The following UTP20 variants were observed in gnomAD, a reference collection of about 807,000 sequenced individuals.
The protein encoded by UTP20 is small subunit processome component 20 homolog.
In UTP20, 164 loss-of-function variants were observed where a neutral mutation model predicts 329.5. The ratio of observed to expected loss-of-function variants is 0.50; its 90% CI spans 0.44 to 0.57. The LOEUF (loss-of-function observed/expected upper bound fraction) is 0.57. Ranked by LOEUF, UTP20 falls within the 20% of genes least tolerant of loss-of-function variation. The pLI, the probability that UTP20 is intolerant of heterozygous loss-of-function variation, is 0.00. For synonymous variants in UTP20, 1,151 were observed against 1,159.3 expected (o/e 0.99, Z 0.14); for missense variants, 3,055 against 3,284.2 (o/e 0.93, Z 1.71).
At chr12:101,295,079 C>A (rs1489705703) in intron 11 of UTP20, among the ~76,000 whole-genome samples, 1 of 152,178 alleles carries the variant, frequency 6.6e-6, no homozygotes, top group Admixed American at 6.5e-5. Context: ...AAATGTTGTA[C>A]TGGGACTTCC....
intron 5 of UTP20, among the ~76,000 whole-genome samples, chr12:101,288,704 A>T (rs954231929): frequency 1.3e-5 from 2 of 152,188 alleles, no homozygotes; most frequent in East Asian, 3.8e-4. Flanking sequence ...TTCAGAGCTC[A>T]TTACAAATTT....
At chr12:101,337,990 C>T in intron 29 of UTP20, 61 bp from the exon 30 acceptor site, 1 of 1,445,920 alleles carries the variant, frequency 6.9e-7, no homozygotes, top group Non-Finnish European at 9.6e-7. Context: ...TTCATATGGA[C>T]ATGTTTTTAG....
chr12:101,319,615 CTA>C lies in UTP20; in HGVS notation c.2813_2814del (p.Tyr938Ter). ...NPRALYLESK[L>X]YELYLQLLLH... ...ACGGGCCTTATATCTGGAATCCAAA[CTA>C]TATGAGTTATATCTTCAGGTCAGTA... is the stretch of plus-strand genomic sequence containing the variant. On this transcript the variant is annotated frameshift_variant, in exon 23 of 62. Coordinates refer to ENST00000261637, the MANE Select transcript of UTP20 (RefSeq NM_014503.3). LOFTEE classifies it high-confidence loss of function. The C allele has an allele frequency of 6.2e-7, 1 of 1,606,006 alleles. No individual in the cohort carries two copies. The highest frequency in any genetic ancestry group is 8.5e-7 in the Non-Finnish European group (1 of 1,178,490).
At chr12:101,286,187 A>G (rs1871955082) in intron 4 of UTP20, 134 bp from the exon 5 acceptor site, 4 of 902,836 alleles carry the variant, frequency 4.4e-6, no homozygotes, top group Non-Finnish European at 6.4e-6. Context: ...AAAGAATTTT[A>G]TAATTTTTCA....
chr12:101,342,425 C>T, intron 32 of UTP20, 21 bp from the exon 33 acceptor site: 1 of 1,576,452 alleles, frequency 6.3e-7, no homozygotes, highest in Non-Finnish European at 8.6e-7. Flanking sequence ...AATATGATTT[C>T]TCTGATTATT....
intron 22 of UTP20, among the ~76,000 whole-genome samples, chr12:101,319,025 G>T (rs1347008684): frequency 6.6e-6 from 1 of 152,046 alleles, no homozygotes; most frequent in Non-Finnish European, 1.5e-5. Context: ...CACTTCCCAC[G>T]ATTTCAGTTA....
intron 60 of UTP20, among the ~76,000 whole-genome samples, chr12:101,385,247 G>A (rs1278783673): frequency 6.6e-6 from 1 of 152,164 alleles, no homozygotes; most frequent in South Asian, 2.1e-4. Context: ...AAGGTCCCAA[G>A]TTACTTTAAT....
In UTP20 at chr12:101,295,649, A is replaced by T. The variant is rs183927312; in HGVS notation, c.1421A>T (p.Gln474Leu). Residue 474 changes from glutamine to leucine, a missense_variant, in exon 12 of 62, where the codon CAG becomes CTG. Gln to Leu is a moderately radical substitution (Grantham distance 113). This residue lies in a region of UTP20 where 2,445 missense variants were observed against 2,575.5 expected (regional missense o/e 0.95). Transcript: ENST00000261637. ...IEKYPLVFSP[Q>L]MVGFYIKQKK... ...AAGTACCCTCTGGTTTTCTCACCGC[A>T]GATGGTGGGGTGAGTTCTAACTTTT... 6.9e-6 allele frequency: 11 copies of T among 1,602,708 alleles called. No individual in the cohort carries two copies. The East Asian group carries it at 2.0e-4, about 29-fold the overall frequency.
rs1871945634 is a variant in UTP20 at position 101,285,873 on chromosome 12, C to G, written c.318C>G (p.Pro106=). ...LQVKNSFAYQ[P]LLDLVVQLAR... is the part of the protein sequence containing the mutation. ...TTAAGAACAGTTTTGCCTATCAACC[C>G]CTTTTGGAGTAAGTAGCATCTTGAG... is the stretch of plus-strand genomic sequence containing the variant. The change falls in exon 4 of 62, where the codon CCC becomes CCG. Residue 106 remains proline, a synonymous_variant. Transcript: ENST00000261637. 1.2e-6 allele frequency: 2 copies of G among 1,613,182 alleles called. No individual in the cohort carries two copies.
At chr12:101,383,704 A>G (rs1006151009) in intron 60 of UTP20, 35 bp downstream of exon 60, 2 of 1,463,304 alleles carry the variant, frequency 1.4e-6, no homozygotes, top group African/African-American at 2.8e-5. Flanking sequence ...TGCCTTTTGC[A>G]CATGAGGATT....
At chr12:101,283,946 A>G (rs1355070645) in intron 2 of UTP20, among the ~76,000 whole-genome samples, 1 of 149,956 alleles carries the variant, frequency 6.7e-6, no homozygotes, top group Non-Finnish European at 1.5e-5. Flanking sequence ...CTGCCTAACT[A>G]TTGATTTTAA....
intron 53 of UTP20, 35 bp from the exon 54 acceptor site, chr12:101,373,550 A>T (rs1244793088): frequency 1.2e-6 from 2 of 1,612,132 alleles, no homozygotes. Context: ...TAGGAATTCC[A>T]CTCTGAGTGC....
chr12:101,370,785 T>C (rs1870259093), intron 50 of UTP20, among the ~76,000 whole-genome samples: 1 of 152,232 alleles, frequency 6.6e-6, no homozygotes, highest in Non-Finnish European at 1.5e-5. Context: ...TCTGTACAAA[T>C]ACAGGTATTC....
chr12:101,361,557 C>T (rs930644542), intron 43 of UTP20, among the ~76,000 whole-genome samples: 5 of 151,842 alleles, frequency 3.3e-5, no homozygotes, highest in African/African-American at 7.3e-5. Context: ...ACTCGGGAGA[C>T]GGAGGTTGCA....
chr12:101,369,752 G>C lies in UTP20; in HGVS notation c.6416G>C (p.Trp2139Ser). 6.3e-7 allele frequency: 1 copy of C among 1,596,072 alleles called. No individual in the cohort carries two copies. The highest frequency in any genetic ancestry group is 1.3e-5 in the African/African-American group (1 of 74,630). Residue 2139 changes from tryptophan to serine, a missense_variant, in exon 49 of 62, where the codon TGG (tryptophan) becomes TCG (serine). By Grantham distance (177) the Trp-to-Ser change is radical. Around this residue, in one of 3 missense-constraint regions of UTP20, gnomAD observed 2,445 missense variants for 2,575.5 expected, o/e 0.95. Coordinates refer to ENST00000261637, the MANE Select transcript of UTP20 (RefSeq NM_014503.3). ...VITGALQCLI[W>S]VLRFPLPSIE... ...ACAGGTGCTTTACAGTGCCTCATCT[G>C]GGTCTTGAGGTTCCCGCTACCTTCC... is the stretch of plus-strand genomic sequence containing the variant.
At chr12:101,344,353 A>G (rs1414540628) in intron 35 of UTP20, among the ~76,000 whole-genome samples, 1 of 152,222 alleles carries the variant, frequency 6.6e-6, no homozygotes, top group Non-Finnish European at 1.5e-5. Context: ...AGGACATTTC[A>G]TAGTGCTGCC....
At chr12:101,331,217 A>G (rs1314926517) in intron 27 of UTP20, among the ~76,000 whole-genome samples, 3 of 152,178 alleles carry the variant, frequency 2.0e-5, no homozygotes, top group Admixed American at 6.5e-5. Context: ...GGCAGCTGGC[A>G]CTTTAGTTAC....
In UTP20 at chr12:101,365,639, A is replaced by G. The variant is rs1423015073; in HGVS notation, c.6125+14A>G. ...AGAGAAAGAAAAGTAAGTTGGAAAA[A>G]AAACAAACTGTCATTTAGGTCTCTG... On this transcript the variant is annotated intron_variant, in intron 46 of 61. Transcript: ENST00000261637. 6.5e-7 allele frequency: 1 copy of G among 1,549,802 alleles called. No homozygotes were observed. Among genetic ancestry groups the G allele is most frequent in the Non-Finnish European group, 8.7e-7 (1 of 1,153,508 alleles).
chr12:101,332,172 T>C (rs1427718857), intron 27 of UTP20, among the ~76,000 whole-genome samples: 5 of 152,020 alleles, frequency 3.3e-5, no homozygotes, highest in Admixed American at 2.0e-4. Flanking sequence ...ACCCCGTCTC[T>C]ACTGAAAATA....
Sources: allele counts gnomAD v4.1 joint callset (sites outside exome capture counted in the v4.1 genomes callset), GRCh38; gene constraint gnomAD v4.1.1; regional missense constraint gnomAD v4.1.1; transcripts MANE v1.5; gene names NCBI Gene and HGNC (gene_info 2026-07-23, HGNC 2026-07-21).